FAM229A: variants seen among roughly 807,000 people sequenced by gnomAD.
FAM229A encodes family with sequence similarity 229 member A, also known as protein FAM229A.
FAM229A carries 9 observed loss-of-function variants against 10.0 expected under a neutral mutation model. The ratio of observed to expected loss-of-function variants is 0.90; its 90% CI spans 0.54 to 1.56. The LOEUF is 1.56. Among genes scored for constraint, FAM229A ranks in the 40% most tolerant of loss-of-function variants. The pLI is 0.00. For synonymous variants in FAM229A, 93 were observed against 90.1 expected (o/e 1.03, Z -0.19); for missense variants, 196 against 197.6 (o/e 0.99, Z 0.05).
At position 32,361,456 on chromosome 1, in the gene FAM229A, T is replaced by C; in HGVS notation, c.361A>G (p.Ser121Gly). The C allele has an allele frequency of 7.3e-7, 1 of 1,362,934 alleles. No individual in the cohort carries two copies. The highest frequency in any genetic ancestry group is 9.5e-7 in the Non-Finnish European group (1 of 1,056,130). The allele number at this position is 1,362,934 out of a possible 1,614,324, so 84.4% of individuals were successfully genotyped here. A position where few individuals can be genotyped will look rare whatever the true frequency, so the allele number is the denominator to read the frequency against. ...PIDVYLAMGG[S>G]PRARAT ...ACTCACGTGGCGCGGGCCCGGGGGC[T>C]CCCGCCCATGGCGAGGTAGACGTCG... The change falls in exon 3 of 3, where the codon AGC becomes GGC. Residue 121 changes from serine (S) to glycine (G), a missense_variant. Ser to Gly is a moderately conservative substitution (Grantham distance 56). Transcript: ENST00000432622.
At position 32,362,437 on chromosome 1, in the gene FAM229A, G is replaced by A. The variant is rs1389877337; in HGVS notation, c.-346C>T. 1.2e-5 allele frequency: 6 copies of A among 504,142 alleles called. No homozygotes were observed. In the East Asian group the frequency reaches 1.9e-4, roughly 16 times the overall value. The allele number at this position is 504,142 out of a possible 1,614,324, so 31.2% of individuals were successfully genotyped here. On this transcript the variant is annotated 5_prime_UTR_variant, in exon 1 of 3. Transcript: ENST00000432622. Reference sequence around the variant, plus strand: ...ATCCGGGCTGAGTTTGGTGGTGGTAGTGAGGGCAGGTAGGGGCACTGCCCA... The same window carrying A: ...ATCCGGGCTGAGTTTGGTGGTGGTAATGAGGGCAGGTAGGGGCACTGCCCA...
chr1:32,361,914 C>G, intron 1 of FAM229A, 38 bp from the exon 2 acceptor site: 2 of 1,381,236 alleles, frequency 1.4e-6, no homozygotes, highest in Non-Finnish European at 1.9e-6. Flanking sequence ...TCCCGGGTCG[C>G]CGGGCGCCGC....
At position 32,362,374 on chromosome 1, in the gene FAM229A, T is replaced by C; in HGVS notation, c.-283A>G. ...GCGCCCTCCCAGGCGGGACTACAAC[T>C]CAATGCCTGGCACGGGGGCGGGCTC... On this transcript the variant is annotated 5_prime_UTR_variant, in exon 1 of 3. An upstream open reading frame in the 5' UTR loses its in-frame stop. Transcript: ENST00000432622. 4.2e-6 allele frequency: 2 copies of C among 478,704 alleles called. No homozygotes were observed. Among genetic ancestry groups the C allele is most frequent in the South Asian group, 4.6e-5 (1 of 21,908 alleles). The allele number at this position is 478,704 out of a possible 1,614,324, so 29.7% of individuals were successfully genotyped here.
At position 32,362,080 on chromosome 1, in the gene FAM229A, G is replaced by C. The variant is rs1004872163; in HGVS notation, c.12C>G (p.Ser4=). The change falls in exon 1 of 3, where the codon TCC becomes TCG. Residue 4 remains serine, a synonymous_variant. Coordinates refer to ENST00000432622, the MANE Select transcript of FAM229A (RefSeq NM_001167676.2). The part of the protein sequence containing the change: MLP[S]STPGPGHATE... The stretch of plus-strand genomic sequence containing the variant: ...TGGCGTGCCCGGGCCCGGGCGTCGA[G>C]GAGGGCAGCATTGTGACCCGGGCCG... The C allele has an allele frequency of 1.1e-5, 15 of 1,419,882 alleles. No homozygotes were observed. Among genetic ancestry groups the C allele is most frequent in the African/African-American group, 1.5e-5 (1 of 66,564 alleles). 88.0% of individuals were successfully genotyped at this position (1,419,882 alleles called of 1,614,324 possible).
intron 2 of FAM229A, 68 bp from the exon 3 acceptor site, chr1:32,361,603 AGGGAGTGCACCTG>A (rs1641703280): frequency 7.9e-7 from 1 of 1,259,974 alleles, no homozygotes; most frequent in Non-Finnish European, 1.0e-6. Context: ...GGGCGCACCC[AGGGAGTGCACCTG>A]GGGTCCCCGG....
Position 32,361,806 on chromosome 1 carries a change from C to G in FAM229A, c.205G>C (p.Asp69His). 7.5e-7 allele frequency: 1 copy of G among 1,330,412 alleles called. No homozygotes were observed. The allele number at this position is 1,330,412 out of a possible 1,614,324, so 82.4% of individuals were successfully genotyped here. A position where few individuals can be genotyped will look rare whatever the true frequency, so the allele number is the denominator to read the frequency against. The stretch of plus-strand genomic sequence containing the variant: ...GGGGCGGCGGCAAGGCCACGGGAGT[C>G]TCCGGCCTCAATGGGGAATCTCCGA... ...QGRRFPIEAG[D>H]SRGLAAAPES... The change falls in exon 2 of 3, where the codon GAC becomes CAC. Residue 69 changes from aspartate (D) to histidine (H), a missense_variant. Physicochemically the swap from Asp to His is moderately conservative, Grantham distance 81. Coordinates refer to ENST00000432622, the MANE Select transcript of FAM229A (RefSeq NM_001167676.2).
chr1:32,362,142 G>C lies in FAM229A; in HGVS notation c.-51C>G. On this transcript the variant is annotated 5_prime_UTR_variant, in exon 1 of 3. Coordinates refer to ENST00000432622, the MANE Select transcript of FAM229A (RefSeq NM_001167676.2). ...CCTCACAGAGCACGTTCCTCCCACT[G>C]GAGAACCCCCAACGGTGCCCCCTGC... The C allele has an allele frequency of 5.3e-6, 7 of 1,321,284 alleles. No homozygotes were observed. The highest frequency in any genetic ancestry group is 6.7e-6 in the Non-Finnish European group (7 of 1,037,118). The allele number at this position is 1,321,284 out of a possible 1,614,324, so 81.8% of individuals were successfully genotyped here. A position where few individuals can be genotyped will look rare whatever the true frequency, so the allele number is the denominator to read the frequency against.
At position 32,361,508 on chromosome 1, in the gene FAM229A, G is replaced by T; in HGVS notation, c.309C>A (p.His103Gln). 7.3e-7 allele frequency: 1 copy of T among 1,373,662 alleles called. No homozygotes were observed. The highest frequency in any genetic ancestry group is 9.4e-7 in the Non-Finnish European group (1 of 1,063,450). The allele number at this position is 1,373,662 out of a possible 1,614,324, so 85.1% of individuals were successfully genotyped here. A position where few individuals can be genotyped will look rare whatever the true frequency, so the allele number is the denominator to read the frequency against. ...TGGGCACGTGCAGCAGCGTCAGGCA[G>T]TGGCATCCAGGGCAGCGACGAAGCG... ...VRPLRRCPGC[H>Q]CLTLLHVPID... The change falls in exon 3 of 3, where the codon CAC becomes CAA. Residue 103 changes from histidine to glutamine, a missense_variant. By Grantham distance (24) the His-to-Gln change is conservative (BLOSUM62 0). Transcript: ENST00000432622.
In FAM229A at chr1:32,361,458, C is replaced by G; in HGVS notation, c.359G>C (p.Gly120Ala). 1 of 1,369,964 alleles carries G rather than the reference C, an allele frequency of 7.3e-7. No individual in the cohort carries two copies. The highest frequency in any genetic ancestry group is 9.4e-7 in the Non-Finnish European group (1 of 1,060,248). The allele number at this position is 1,369,964 out of a possible 1,614,324, so 84.9% of individuals were successfully genotyped here. The change falls in exon 3 of 3, where the codon GGG becomes GCG. Residue 120 changes from glycine to alanine, a missense_variant. Transcript: ENST00000432622. ...VPIDVYLAMG[G>A]SPRARAT ...TCACGTGGCGCGGGCCCGGGGGCTC[C>G]CGCCCATGGCGAGGTAGACGTCGAT...
Position 32,362,186 on chromosome 1 carries a change from C to T in FAM229A, c.-95G>A, listed in dbSNP as rs1270972041. On this transcript the variant is annotated 5_prime_UTR_variant, in exon 1 of 3. Transcript: ENST00000432622. ...CCCCTGCCGCCCCTGGCACTCAGCG[C>T]GGGCCAGAATCGGGGACTGGAGGCC... 8 of 1,290,992 alleles carry T rather than the reference C, an allele frequency of 6.2e-6. No homozygotes were observed. Among genetic ancestry groups the T allele is most frequent in the East Asian group, 6.3e-5 (2 of 31,906 alleles). The allele number at this position is 1,290,992 out of a possible 1,614,324, so 80.0% of individuals were successfully genotyped here. A position where few individuals can be genotyped will look rare whatever the true frequency, so the allele number is the denominator to read the frequency against.
rs913531530 is a variant in FAM229A, at chr1:32,361,765, G to A, written c.246C>T (p.Ser82=). The A allele has an allele frequency of 2.3e-6, 3 of 1,318,840 alleles. No individual in the cohort carries two copies. Among genetic ancestry groups the A allele is most frequent in the Non-Finnish European group, 2.9e-6 (3 of 1,035,976 alleles). 81.7% of individuals were successfully genotyped at this position (1,318,840 alleles called of 1,614,324 possible). A position where few individuals can be genotyped will look rare whatever the true frequency, so the allele number is the denominator to read the frequency against. Reference sequence around the variant, plus strand: ...TGTGCTCCGTCGCTACCGCCTCCGGGCTGTCCTGGGACTCGGGGGCGGCGG... The same window carrying A: ...TGTGCTCCGTCGCTACCGCCTCCGGACTGTCCTGGGACTCGGGGGCGGCGG... ...GLAAAPESQD[S]PEAVATEHNP... Residue 82 remains serine (S), a synonymous_variant, in exon 2 of 3, where the codon AGC becomes AGT. Transcript: ENST00000432622.
At position 32,361,351 on chromosome 1, in the gene FAM229A, G is replaced by A. The variant is rs1016745641; in HGVS notation, c.*82C>T. 1 of 604,190 alleles carries A rather than the reference G, an allele frequency of 1.7e-6. No homozygotes were observed. Among genetic ancestry groups the A allele is most frequent in the Middle Eastern group, 4.9e-4 (1 of 2,056 alleles). 37.4% of individuals were successfully genotyped at this position (604,190 alleles called of 1,614,324 possible). ...AAATGTGCATCATTGTCTCGTGCTCGGCGCATGCGACCTCAGCGTGGTGGC... is the reference window on the plus strand; with the variant it reads ...AAATGTGCATCATTGTCTCGTGCTCAGCGCATGCGACCTCAGCGTGGTGGC... On this transcript the variant is annotated 3_prime_UTR_variant, in exon 3 of 3. Transcript: ENST00000432622.
At position 32,361,517 on chromosome 1, in the gene FAM229A, AG is replaced by A; in HGVS notation, c.299del (p.Pro100LeufsTer6). ...GCAGCAGCGTCAGGCAGTGGCATCC[AG>A]GGCAGCGACGAAGCGGCCTGGGGAA... ...HNPVRPLRRC[P>X]GCHCLTLLHV... On this transcript the variant is annotated frameshift_variant, in exon 3 of 3. Transcript: ENST00000432622. LOFTEE classifies it high-confidence loss of function. The A allele has an allele frequency of 1.5e-6, 2 of 1,364,372 alleles. No individual in the cohort carries two copies. Among genetic ancestry groups the A allele is most frequent in the South Asian group, 1.6e-5 (1 of 60,822 alleles). The allele number at this position is 1,364,372 out of a possible 1,614,324, so 84.5% of individuals were successfully genotyped here.
chr1:32,362,261 G>A lies in FAM229A; in HGVS notation c.-170C>T. ...GGTCGCGCAGACCCCGGACACCCGA[G>A]GGGGGCGCAGCAGGCCAGGGCAACC... is the stretch of plus-strand genomic sequence containing the variant. On this transcript the variant is annotated 5_prime_UTR_variant, in exon 1 of 3. Coordinates refer to ENST00000432622, the MANE Select transcript of FAM229A (RefSeq NM_001167676.2). 1.0e-6 allele frequency: 1 copy of A among 987,476 alleles called. No homozygotes were observed. Among genetic ancestry groups the A allele is most frequent in the Non-Finnish European group, 1.3e-6 (1 of 752,100 alleles). The allele number at this position is 987,476 out of a possible 1,614,324, so 61.2% of individuals were successfully genotyped here. A position where few individuals can be genotyped will look rare whatever the true frequency, so the allele number is the denominator to read the frequency against.
chr1:32,361,428 C>A lies in FAM229A; in HGVS notation c.*5G>T. 3 of 1,325,574 alleles carry A rather than the reference C, an allele frequency of 2.3e-6. No individual in the cohort carries two copies. The highest frequency in any genetic ancestry group is 1.5e-5 in the African/African-American group (1 of 65,020). The allele number at this position is 1,325,574 out of a possible 1,614,324, so 82.1% of individuals were successfully genotyped here. On this transcript the variant is annotated 3_prime_UTR_variant, in exon 3 of 3. Transcript: ENST00000432622. ...CTCCCGCGGAGCCGCAGGGAGCAGGCGCACTCACGTGGCGCGGGCCCGGGG... is the reference window on the plus strand; with the variant it reads ...CTCCCGCGGAGCCGCAGGGAGCAGGAGCACTCACGTGGCGCGGGCCCGGGG...
In FAM229A at chr1:32,361,426, G is replaced by C; in HGVS notation, c.*7C>G. ...AGCTCCCGCGGAGCCGCAGGGAGCA[G>C]GCGCACTCACGTGGCGCGGGCCCGG... is the stretch of plus-strand genomic sequence containing the variant. On this transcript the variant is annotated 3_prime_UTR_variant, in exon 3 of 3. Transcript: ENST00000432622. 7.6e-7 allele frequency: 1 copy of C among 1,321,912 alleles called. No homozygotes were observed. The highest frequency in any genetic ancestry group is 4.0e-5 in the Admixed American group (1 of 25,202). 81.9% of individuals were successfully genotyped at this position (1,321,912 alleles called of 1,614,324 possible). A position where few individuals can be genotyped will look rare whatever the true frequency, so the allele number is the denominator to read the frequency against.
In FAM229A at chr1:32,362,267, C is replaced by T; in HGVS notation, c.-176G>A. The T allele has an allele frequency of 2.2e-6, 2 of 928,810 alleles. No individual in the cohort carries two copies. The highest frequency in any genetic ancestry group is 2.9e-6 in the Non-Finnish European group (2 of 699,622). 57.5% of individuals were successfully genotyped at this position (928,810 alleles called of 1,614,324 possible). On this transcript the variant is annotated 5_prime_UTR_variant, in exon 1 of 3. Coordinates refer to ENST00000432622, the MANE Select transcript of FAM229A (RefSeq NM_001167676.2). ...GCAGACCCCGGACACCCGAGGGGGG[C>T]GCAGCAGGCCAGGGCAACCCGCCGC... is the stretch of plus-strand genomic sequence containing the variant.
In FAM229A at chr1:32,362,075, G is replaced by A; in HGVS notation, c.17C>T (p.Thr6Met). Residue 6 changes from threonine (T) to methionine (M), a missense_variant, in exon 1 of 3, where the codon ACG becomes ATG. Physicochemically the swap from Thr to Met is moderately conservative, Grantham distance 81. Coordinates refer to ENST00000432622, the MANE Select transcript of FAM229A (RefSeq NM_001167676.2). Reference sequence around the variant, plus strand: ...CTCTGTGGCGTGCCCGGGCCCGGGCGTCGAGGAGGGCAGCATTGTGACCCG... The same window carrying A: ...CTCTGTGGCGTGCCCGGGCCCGGGCATCGAGGAGGGCAGCATTGTGACCCG... MLPSSTPGPGHATETC... is the reference protein window; with the variant it reads MLPSSMPGPGHATETC... 1 of 1,422,836 alleles carries A rather than the reference G, an allele frequency of 7.0e-7. No individual in the cohort carries two copies. Among genetic ancestry groups the A allele is most frequent in the Admixed American group, 2.9e-5 (1 of 34,702 alleles). 88.1% of individuals were successfully genotyped at this position (1,422,836 alleles called of 1,614,324 possible).
chr1:32,362,242 G>T lies in FAM229A; in HGVS notation c.-151C>A, dbSNP rs528106804. 1.4e-4 allele frequency: 154 copies of T among 1,106,486 alleles called. 1 individual carries two copies. The African/African-American group carries it at 2.2e-3, about 16-fold the overall frequency. 68.5% of individuals were successfully genotyped at this position (1,106,486 alleles called of 1,614,324 possible). A position where few individuals can be genotyped will look rare whatever the true frequency, so the allele number is the denominator to read the frequency against. ...CCATGGCGCCTGGAGACGGGGTCGC[G>T]CAGACCCCGGACACCCGAGGGGGGC... is the stretch of plus-strand genomic sequence containing the variant. On this transcript the variant is annotated 5_prime_UTR_variant, in exon 1 of 3. Coordinates refer to ENST00000432622, the MANE Select transcript of FAM229A (RefSeq NM_001167676.2).
Sources: allele counts gnomAD v4.1 joint callset, GRCh38; gene constraint gnomAD v4.1.1; transcripts MANE v1.5; gene names NCBI Gene and HGNC (gene_info 2026-07-23, HGNC 2026-07-21).